The following OPRM1 variants were observed in gnomAD, a reference collection of about 807,000 sequenced individuals.
OPRM1 encodes opioid receptor mu 1.
A neutral mutation model predicts 31.8 loss-of-function variants in OPRM1; 27 were observed. The ratio of observed to expected loss-of-function variants is 0.85; its 90% confidence interval spans 0.63 to 1.17. The LOEUF (loss-of-function observed/expected upper bound fraction) is 1.17, where lower values mean the gene tolerates loss of function less well. Ranked by LOEUF, OPRM1 falls within the 50% of genes most tolerant of loss-of-function variation. OPRM1 has a pLI of 0.00. For synonymous variants in OPRM1, 196 were observed against 189.9 expected (o/e 1.03, Z -0.26); for missense variants, 536 against 511.1 (o/e 1.05, Z -0.47).
chr6:154,162,469 T>G (rs1336965521), intron 3 of OPRM1, among the ~76,000 whole-genome samples: 1 of 152,188 alleles, frequency 6.6e-6, no homozygotes, highest in African/African-American at 2.4e-5. Context: ...AACCATTAAA[T>G]CAATGTTAAA....
chr6:154,068,711 G>GAT (rs768101108), intron 1 of OPRM1, among the ~76,000 whole-genome samples: 6 of 152,028 alleles, frequency 3.9e-5, no homozygotes, highest in Non-Finnish European at 7.4e-5. Context: ...GTTCCCTTTG[G>GAT]ATATATATAC....
intron 1 of OPRM1, among the ~76,000 whole-genome samples, chr6:154,072,882 A>G (rs567553438): frequency 6.6e-5 from 10 of 152,360 alleles, no homozygotes; most frequent in African/African-American, 1.9e-4. Flanking sequence ...ACCACTGGTG[A>G]CCTCTGCACA....
chr6:154,063,266 A>G (rs915444233), intron 1 of OPRM1, among the ~76,000 whole-genome samples: 4 of 151,994 alleles, frequency 2.6e-5, no homozygotes, highest in African/African-American at 9.6e-5. Flanking sequence ...AATTTTTGTG[A>G]ACATCAGTTC....
At chr6:154,223,267 T>C in intron 3 of OPRM1, 1 of 1,556,984 alleles carries the variant, frequency 6.4e-7, no homozygotes, top group Non-Finnish European at 8.8e-7. Flanking sequence ...ATACCACAAA[T>C]AGGAATGAAT....
intron 3 of OPRM1, among the ~76,000 whole-genome samples, chr6:154,140,394 G>A (rs1024118997): frequency 2.6e-5 from 4 of 150,996 alleles, no homozygotes; most frequent in Admixed American, 6.6e-5. Context: ...GCAGTGGCAC[G>A]ATCTCAGATC....
chr6:154,081,648 T>C (rs954971139), intron 1 of OPRM1, among the ~76,000 whole-genome samples: 3 of 152,102 alleles, frequency 2.0e-5, no homozygotes, highest in Admixed American at 2.0e-4. Flanking sequence ...CTCAGCACAG[T>C]CATATTTGAA....
chr6:154,178,234 C>T (rs1373265400), intron 3 of OPRM1, among the ~76,000 whole-genome samples: 3 of 152,012 alleles, frequency 2.0e-5, no homozygotes, highest in Non-Finnish European at 2.9e-5. Flanking sequence ...CACATGTATA[C>T]CTATGTAACA....
intron 3 of OPRM1, among the ~76,000 whole-genome samples, chr6:154,233,311 CTT>C (rs1025845642): frequency 5.9e-5 from 9 of 152,162 alleles, no homozygotes; most frequent in African/African-American, 1.4e-4. Flanking sequence ...GCTCTCCTCT[CTT>C]TTCTTTGCAT....
intron 1 of OPRM1, among the ~76,000 whole-genome samples, chr6:154,025,115 G>C (rs1172839705): frequency 2.0e-5 from 3 of 151,940 alleles, no homozygotes; most frequent in Non-Finnish European, 4.4e-5. Context: ...TTGAAAGTTG[G>C]CTTTTGAAGT....
At chr6:154,174,290 T>C (rs1226777342) in intron 3 of OPRM1, among the ~76,000 whole-genome samples, 1 of 152,170 alleles carries the variant, frequency 6.6e-6, no homozygotes, top group African/African-American at 2.4e-5. Flanking sequence ...CTAGCTAGCA[T>C]CATAATGACA....
At chr6:154,197,503 C>A (rs1776710431) in intron 3 of OPRM1, among the ~76,000 whole-genome samples, 1 of 152,222 alleles carries the variant, frequency 6.6e-6, no homozygotes, top group East Asian at 1.9e-4. Context: ...TTTTCTTTTC[C>A]TTTTTACCAA....
chr6:154,102,140 G>C (rs73574530), intron 3 of OPRM1, among the ~76,000 whole-genome samples: 3 of 151,924 alleles, frequency 2.0e-5, no homozygotes, highest in Non-Finnish European at 2.9e-5. Context: ...GGGTTTTGCC[G>C]TGTTGCGAGC....
intron 3 of OPRM1, among the ~76,000 whole-genome samples, chr6:154,227,716 C>CA (rs899070819): frequency 3.3e-4 from 49 of 150,248 alleles, no homozygotes; most frequent in African/African-American, 3.9e-4. Flanking sequence ...AAATGTGTCT[C>CA]AAAAAAAAAT....
chr6:154,132,692 G>T (rs620496), downstream of OPRM1, among the ~76,000 whole-genome samples: 137,798 of 152,278 alleles, frequency 0.9, 62,397 homozygotes, highest in East Asian at 0.98. Flanking sequence ...TTTTAAAAAT[G>T]TGTTCTTGAT....
Position 154,225,968 on chromosome 6 carries a change from T to C in OPRM1, c.1165-20725T>C, listed in dbSNP as rs1227155517. On this transcript the variant is annotated intron_variant, in intron 3 of 3. Transcript: ENST00000337049. ...CTTAATTGAACTCTAAGTGACGCTGTAGCTGCTCCCTCCCTCTGGAGCCAC... is the reference window on the plus strand; with the variant it reads ...CTTAATTGAACTCTAAGTGACGCTGCAGCTGCTCCCTCCCTCTGGAGCCAC... 2.6e-5 allele frequency among the ~76,000 whole-genome samples: 4 copies of C among 152,222 alleles called. No homozygotes were observed. In the East Asian group the frequency reaches 7.7e-4, roughly 29 times the overall value.
intron 1 of OPRM1, among the ~76,000 whole-genome samples, chr6:154,022,603 G>A (rs557414451): frequency 2.0e-5 from 3 of 152,200 alleles, no homozygotes; most frequent in African/African-American, 7.2e-5. Flanking sequence ...TTGTGCTTGT[G>A]GGGTATTACT....
At chr6:154,097,229 C>T (rs914310433) in intron 3 of OPRM1, among the ~76,000 whole-genome samples, 1 of 152,202 alleles carries the variant, frequency 6.6e-6, no homozygotes, top group Admixed American at 6.5e-5. Context: ...GTCCTAAACC[C>T]TCTAATTACT....
At chr6:154,148,554 A>G (rs1474336102) in intron 3 of OPRM1, among the ~76,000 whole-genome samples, 2 of 152,156 alleles carry the variant, frequency 1.3e-5, no homozygotes, top group South Asian at 4.1e-4. Flanking sequence ...TGGCTGAGTC[A>G]TCCTGCCTGT....
intron 3 of OPRM1, among the ~76,000 whole-genome samples, chr6:154,109,780 CT>C (rs1796117523): frequency 1.7e-5 from 2 of 116,300 alleles, no homozygotes; most frequent in Non-Finnish European, 4.0e-5. Flanking sequence ...CTCTCTCTCT[CT>C]CTCTCTCTCT....
Sources: gnomAD v4.1 joint callset for allele counts (sites outside exome capture counted in the v4.1 genomes callset) on GRCh38, gnomAD v4.1.1 for gene constraint, MANE v1.5 for transcripts, NCBI Gene and HGNC (gene_info 2026-07-23, HGNC 2026-07-21) for gene names.